The following CSGALNACT1 variants were observed in gnomAD, a reference collection of about 807,000 sequenced individuals.
CSGALNACT1 encodes chondroitin sulfate N-acetylgalactosaminyltransferase 1.
Under a neutral mutation model 51.0 loss-of-function variants are expected in CSGALNACT1, and 52 were observed. The observed-to-expected ratio is 1.02, with a 90% CI of 0.82 to 1.29. The LOEUF (loss-of-function observed/expected upper bound fraction) is 1.29. Among genes scored for constraint, CSGALNACT1 ranks in the 50% most tolerant of loss-of-function variants. The probability of loss-of-function intolerance (pLI) is 0.00; values close to 1 mark genes in which losing one functional copy is unlikely to be tolerated. For synonymous variants in CSGALNACT1, 341 were observed against 254.4 expected, an observed-to-expected ratio of 1.34 and a Z score of -3.24; for missense variants, 935 against 679.2, an observed-to-expected ratio of 1.38 and a Z score of -4.19.
At chr8:19,416,219 A>C (rs1341043768) in intron 8 of CSGALNACT1, among the ~76,000 whole-genome samples, 1 of 142,686 alleles carries the variant, frequency 7.0e-6, no homozygotes, top group Admixed American at 7.7e-5. Flanking sequence ...GGTTTAAGTG[A>C]TTCTCCTGCC....
At chr8:19,753,449 G>A (rs1298407749) in intron 1 of CSGALNACT1, among the ~76,000 whole-genome samples, 1 of 152,178 alleles carries the variant, frequency 6.6e-6, no homozygotes, top group Non-Finnish European at 1.5e-5. Context: ...CATTCTGCTA[G>A]ATAAGACAGG....
At chr8:19,469,735 C>T (rs1370095111) in intron 4 of CSGALNACT1, among the ~76,000 whole-genome samples, 1 of 152,174 alleles carries the variant, frequency 6.6e-6, no homozygotes, top group Non-Finnish European at 1.5e-5. Flanking sequence ...CTCTGAAGCC[C>T]CCCACCATCC....
chr8:19,493,462 C>CTG (rs139257187), intron 4 of CSGALNACT1, among the ~76,000 whole-genome samples: 28,622 of 152,082 alleles, frequency 0.19, 3,298 homozygotes, highest in African/African-American at 0.32. Context: ...CCAAAAGAAA[C>CTG]TAAGTATTCA....
chr8:19,583,659 C>G (rs2046042633), intron 3 of CSGALNACT1, among the ~76,000 whole-genome samples: 1 of 152,154 alleles, frequency 6.6e-6, no homozygotes, highest in Non-Finnish European at 1.5e-5. Flanking sequence ...ACATCATCAA[C>G]CATTACTCTG....
chr8:19,593,835 T>C (rs1588834958), intron 2 of CSGALNACT1, among the ~76,000 whole-genome samples: 1 of 152,216 alleles, frequency 6.6e-6, no homozygotes, highest in Admixed American at 6.5e-5. Flanking sequence ...GAGGGCTGGA[T>C]GAGAGCCCAC....
At chr8:19,513,192 A>G (rs2078775441) in intron 3 of CSGALNACT1, among the ~76,000 whole-genome samples, 1 of 151,966 alleles carries the variant, frequency 6.6e-6, no homozygotes, top group Non-Finnish European at 1.5e-5. Flanking sequence ...TCCTACCAAG[A>G]CCATGCACTA....
chr8:19,570,746 A>G (rs530523182), intron 3 of CSGALNACT1, among the ~76,000 whole-genome samples: 48 of 152,256 alleles, frequency 3.2e-4, no homozygotes, highest in African/African-American at 1.1e-3. Flanking sequence ...CTAAAAACAC[A>G]AAAATTAGCC....
intron 3 of CSGALNACT1, among the ~76,000 whole-genome samples, chr8:19,509,412 G>C (rs1423848142): frequency 6.6e-6 from 1 of 151,946 alleles, no homozygotes. Flanking sequence ...TTAAGGTCAG[G>C]AGTTCAAGAC....
Position 19,461,477 on chromosome 8 carries a change from A to G in CSGALNACT1, c.635-2835T>C, listed in dbSNP as rs1296081128. Among the ~76,000 whole-genome samples the G allele has an allele frequency of 7.9e-5, 12 of 152,064 alleles. 3 individuals carry two copies. The highest frequency in any genetic ancestry group is 6.2e-4 in the South Asian group (3 of 4,826). ...TAACTGCACAGCAGCCACATTCACCAAGGAGGGCCTATCCGCACAGCAGCC... is the reference window on the plus strand; with the variant it reads ...TAACTGCACAGCAGCCACATTCACCGAGGAGGGCCTATCCGCACAGCAGCC... On this transcript the variant is annotated intron_variant, in intron 4 of 9. Coordinates refer to ENST00000454498, the Ensembl canonical transcript of CSGALNACT1.
chr8:19,534,654 A>G (rs1448449181), intron 3 of CSGALNACT1, among the ~76,000 whole-genome samples: 1 of 152,146 alleles, frequency 6.6e-6, no homozygotes, highest in Non-Finnish European at 1.5e-5. Context: ...GCATGACTAA[A>G]AGCAGACGGG....
chr8:19,427,662 C>A (rs2058984486), intron 6 of CSGALNACT1, among the ~76,000 whole-genome samples: 1 of 152,128 alleles, frequency 6.6e-6, no homozygotes, highest in Non-Finnish European at 1.5e-5. Context: ...GTGGCGGGCA[C>A]CTGTAGTCCC....
At chr8:19,517,586 A>T (rs1475205476) in intron 3 of CSGALNACT1, among the ~76,000 whole-genome samples, 1 of 152,174 alleles carries the variant, frequency 6.6e-6, no homozygotes, top group African/African-American at 2.4e-5. Context: ...TATAAAGAAA[A>T]AGAGGCTTAA....
chr8:19,434,941 G>T (rs143075740), intron 6 of CSGALNACT1, among the ~76,000 whole-genome samples: 2 of 152,102 alleles, frequency 1.3e-5, no homozygotes, highest in African/African-American at 4.8e-5. Context: ...TCTTCCTGGG[G>T]GTATCTGTCA....
At chr8:19,599,642 TA>T (rs1293838779) in intron 2 of CSGALNACT1, among the ~76,000 whole-genome samples, 3 of 152,102 alleles carry the variant, frequency 2.0e-5, no homozygotes, top group African/African-American at 4.8e-5. Flanking sequence ...CAAAGCTGAT[TA>T]AGGTCTACTT....
At chr8:19,551,290 G>A (rs193031772) in intron 3 of CSGALNACT1, among the ~76,000 whole-genome samples, 83 of 152,196 alleles carry the variant, frequency 5.5e-4, no homozygotes, top group Admixed American at 2.9e-3. Flanking sequence ...TCAGAGAGCC[G>A]GAAACTCCAC....
intron 1 of CSGALNACT1, among the ~76,000 whole-genome samples, chr8:19,627,324 A>G (rs1234752792): frequency 6.6e-6 from 1 of 152,192 alleles, no homozygotes; most frequent in Non-Finnish European, 1.5e-5. Flanking sequence ...TGGCATTCTC[A>G]AAAACTGACG....
intron 4 of CSGALNACT1, among the ~76,000 whole-genome samples, chr8:19,484,510 G>A (rs865786255): frequency 1.3e-5 from 2 of 152,274 alleles, no homozygotes; most frequent in South Asian, 2.1e-4. Context: ...ACGGCAGAAG[G>A]CAAAGGAGAA....
At chr8:19,555,726 T>C (rs1218803128) in intron 3 of CSGALNACT1, among the ~76,000 whole-genome samples, 1 of 152,210 alleles carries the variant, frequency 6.6e-6, no homozygotes, top group Non-Finnish European at 1.5e-5. Context: ...TATTGAGATC[T>C]ATTTCTACTC....
intron 1 of CSGALNACT1, among the ~76,000 whole-genome samples, chr8:19,659,609 A>T (rs745654753): frequency 6.6e-6 from 1 of 152,248 alleles, no homozygotes; most frequent in Non-Finnish European, 1.5e-5. Context: ...TTACCACGAA[A>T]GTGCTTTTCA....
Sources: gnomAD v4.1 joint callset for allele counts (sites outside exome capture counted in the v4.1 genomes callset) on GRCh38, gnomAD v4.1.1 for gene constraint, MANE v1.5 for transcripts, NCBI Gene and HGNC (gene_info 2026-07-23, HGNC 2026-07-21) for gene names.